CHD9: variants seen among roughly 807,000 people sequenced by gnomAD.
CHD9 encodes the protein chromodomain helicase DNA binding protein 9.
CHD9 carries 77 observed loss-of-function variants against 316.1 expected under a neutral mutation model. The ratio of observed to expected loss-of-function variants is 0.24; its 90% CI spans 0.20 to 0.29. The LOEUF (loss-of-function observed/expected upper bound fraction) is 0.29. CHD9 is among the 10% of genes least tolerant of loss of function. CHD9 has a pLI of 1.00. For synonymous variants in CHD9, 1,129 were observed against 1,158.3 expected (o/e 0.97, Z 0.51); for missense variants, 2,763 against 3,438.1 (o/e 0.80, Z 4.91).
intron 1 of CHD9, among the ~76,000 whole-genome samples, chr16:53,089,606 C>G (rs1424959468): frequency 1.3e-5 from 2 of 152,178 alleles, no homozygotes. Flanking sequence ...GTAGTGTGGA[C>G]TGTGCTTAGA....
At chr16:53,283,562 C>G (rs1039967578) in intron 24 of CHD9, among the ~76,000 whole-genome samples, 1 of 152,178 alleles carries the variant, frequency 6.6e-6, no homozygotes, top group African/African-American at 2.4e-5. Context: ...ATCTGACCCA[C>G]TTTTTTTCTC....
At chr16:53,173,976 A>G (rs2042946496) in intron 2 of CHD9, among the ~76,000 whole-genome samples, 1 of 152,058 alleles carries the variant, frequency 6.6e-6, no homozygotes, top group Non-Finnish European at 1.5e-5. Context: ...GATTTGTATT[A>G]TGTTTCATTT....
intron 2 of CHD9, among the ~76,000 whole-genome samples, chr16:53,185,838 C>G (rs1412854132): frequency 6.6e-6 from 1 of 152,234 alleles, no homozygotes; most frequent in Non-Finnish European, 1.5e-5. Flanking sequence ...TGGCAGCTTT[C>G]ACATGGTGTT....
chr16:53,140,426 A>AC (rs1167989551), intron 1 of CHD9, among the ~76,000 whole-genome samples: 4 of 152,008 alleles, frequency 2.6e-5, no homozygotes, highest in African/African-American at 9.7e-5. Flanking sequence ...CAAAAAAAAA[A>AC]AAAAAAAGAA....
chr16:53,261,799 A>C lies in CHD9; in HGVS notation c.4210-1188A>C, dbSNP rs1159045436. 2.0e-5 allele frequency among the ~76,000 whole-genome samples: 3 copies of C among 152,222 alleles called. No homozygotes were observed. The South Asian group carries it at 6.2e-4, about 32-fold the overall frequency. On this transcript the variant is annotated intron_variant, in intron 19 of 38. Transcript: ENST00000447540. ...TACTGTTTCGAAGCAAATCCCAGAT[A>C]TAATCACCACCTTTACATGTTTCCA...
At chr16:53,254,376 A>G (rs2050394742) in intron 17 of CHD9, 62 bp from the exon 18 acceptor site, 2 of 1,242,446 alleles carry the variant, frequency 1.6e-6, no homozygotes, top group Admixed American at 2.3e-5. Flanking sequence ...TGCCATACAT[A>G]TAGTTTACTA....
intron 2 of CHD9, among the ~76,000 whole-genome samples, chr16:53,205,681 G>A (rs930038491): frequency 1.3e-5 from 2 of 152,168 alleles, no homozygotes; most frequent in Admixed American, 1.3e-4. Context: ...TCTGAGTCAG[G>A]TAGTAGAATC....
Position 53,157,399 on chromosome 16 carries a change from A to G in CHD9, c.1310A>G (p.Asp437Gly). The change falls in exon 2 of 39, where the codon GAT becomes GGT. Residue 437 changes from aspartate to glycine, a missense_variant. By Grantham distance (94) the Asp-to-Gly change is moderately conservative (BLOSUM62 -1). This residue lies in a region of CHD9 where 859 missense variants were observed against 890.4 expected (regional missense o/e 0.96). Coordinates refer to ENST00000447540, the MANE Select transcript of CHD9 (RefSeq NM_001308319.2). ...AGTCACATTTTAGATCATGACCTTG[A>G]TCGGCAGTTTACTTCGCATCTGGTA... ...NSSHILDHDL[D>G]RQFTSHLVTR... 6.2e-7 allele frequency: 1 copy of G among 1,614,010 alleles called. No individual in the cohort carries two copies. Among genetic ancestry groups the G allele is most frequent in the Non-Finnish European group, 8.5e-7 (1 of 1,179,880 alleles).
At position 53,276,319 on chromosome 16, in the gene CHD9, G is replaced by T. The variant is rs557329770; in HGVS notation, c.4967+2017G>T. Among the ~76,000 whole-genome samples, 8 of 152,282 alleles carry T rather than the reference G, an allele frequency of 5.3e-5. No homozygotes were observed. The South Asian group carries it at 1.0e-3, about 20-fold the overall frequency. On this transcript the variant is annotated intron_variant, in intron 24 of 38. Coordinates refer to ENST00000447540, the MANE Select transcript of CHD9 (RefSeq NM_001308319.2). Reference sequence around the variant, plus strand: ...GAAAATCAAGCAAGCCATGCTGAATGACTAACTTCAAATTTGTGAGCATAG... The same window carrying T: ...GAAAATCAAGCAAGCCATGCTGAATTACTAACTTCAAATTTGTGAGCATAG...
At chr16:53,220,578 A>AT (rs1372777302) in intron 3 of CHD9, among the ~76,000 whole-genome samples, 1 of 152,054 alleles carries the variant, frequency 6.6e-6, no homozygotes, top group Non-Finnish European at 1.5e-5. Flanking sequence ...TACAATTCTT[A>AT]TATCTTCCAA....
intron 1 of CHD9, among the ~76,000 whole-genome samples, chr16:53,096,282 C>T (rs930901784): frequency 2.6e-5 from 4 of 152,048 alleles, no homozygotes; most frequent in Admixed American, 1.3e-4. Context: ...GTTAGGACCA[C>T]GTCACTGTCT....
chr16:53,079,628 C>T (rs757134169), intron 1 of CHD9, among the ~76,000 whole-genome samples: 4 of 152,112 alleles, frequency 2.6e-5, no homozygotes, highest in Non-Finnish European at 2.9e-5. Flanking sequence ...TAGATAGCCT[C>T]AGGGTATGGC....
intron 1 of CHD9, among the ~76,000 whole-genome samples, chr16:53,101,645 A>G (rs2036895382): frequency 6.6e-6 from 1 of 152,202 alleles, no homozygotes; most frequent in Non-Finnish European, 1.5e-5. Context: ...TGGATTTACC[A>G]GGAAACCTCA....
chr16:53,086,679 ATG>A (rs754035194), intron 1 of CHD9, among the ~76,000 whole-genome samples: 14 of 152,222 alleles, frequency 9.2e-5, no homozygotes, highest in Non-Finnish European at 2.1e-4. Context: ...AAAGCACAAA[ATG>A]TTTTTTATTA....
chr16:53,117,665 C>CT (rs1284629381), intron 1 of CHD9, among the ~76,000 whole-genome samples: 1 of 152,092 alleles, frequency 6.6e-6, no homozygotes, highest in Non-Finnish European at 1.5e-5. Context: ...ATCTACCTGC[C>CT]TTGGCCTCCC....
intron 2 of CHD9, among the ~76,000 whole-genome samples, chr16:53,204,705 C>T (rs1375082893): frequency 2.0e-5 from 3 of 152,078 alleles, no homozygotes; most frequent in Non-Finnish European, 4.4e-5. Context: ...TAGAGTCTTC[C>T]ATATATTCCT....
At chr16:53,282,477 A>G (rs1333651978) in intron 24 of CHD9, among the ~76,000 whole-genome samples, 1 of 152,092 alleles carries the variant, frequency 6.6e-6, no homozygotes, top group Non-Finnish European at 1.5e-5. Context: ...GCGGTAGTGC[A>G]TGCCTGTAGT....
At chr16:53,318,178 A>T (rs1200155775) in intron 36 of CHD9, 34 bp from the exon 37 acceptor site, 2 of 1,567,590 alleles carry the variant, frequency 1.3e-6, no homozygotes, top group East Asian at 4.5e-5. Flanking sequence ...ACAGTTAAAG[A>T]CTTTAAAGAT....
intron 2 of CHD9, among the ~76,000 whole-genome samples, chr16:53,165,881 A>G (rs1479163595): frequency 6.6e-6 from 1 of 152,164 alleles, no homozygotes; most frequent in Non-Finnish European, 1.5e-5. Context: ...AAGAAAAATG[A>G]CTTATAAAAT....
Sources: allele counts gnomAD v4.1 joint callset (sites outside exome capture counted in the v4.1 genomes callset), GRCh38; gene constraint gnomAD v4.1.1; regional missense constraint gnomAD v4.1.1; transcripts MANE v1.5; gene names NCBI Gene and HGNC (gene_info 2026-07-23, HGNC 2026-07-21).